DPYD: variants seen among roughly 807,000 people sequenced by gnomAD.
DPYD encodes the protein dihydropyrimidine dehydrogenase.
Under a neutral mutation model 116.2 loss-of-function variants are expected in DPYD, and 109 were observed. That is an observed-to-expected ratio of 0.94 (90% CI 0.80 to 1.10). The LOEUF (loss-of-function observed/expected upper bound fraction) is 1.10. Ranked by LOEUF, DPYD falls within the 50% of genes least tolerant of loss-of-function variation. The probability of loss-of-function intolerance (pLI) is 0.00; values close to 1 mark genes in which losing one functional copy is unlikely to be tolerated. For missense variants in DPYD, 1,302 were observed against 1,254.5 expected, an observed-to-expected ratio of 1.04 and a Z score of -0.57; for synonymous variants, 440 against 432.0, an observed-to-expected ratio of 1.02 and a Z score of -0.23.
At chr1:97,535,699 T>G (rs2102037690) in intron 12 of DPYD, among the ~76,000 whole-genome samples, 1 of 152,316 alleles carries the variant, frequency 6.6e-6, no homozygotes, top group East Asian at 1.9e-4. Flanking sequence ...AATTACTTAT[T>G]AGTCATGGTA....
At chr1:97,607,283 T>C (rs1223483608) in intron 8 of DPYD, among the ~76,000 whole-genome samples, 1 of 151,978 alleles carries the variant, frequency 6.6e-6, no homozygotes, top group African/African-American at 2.4e-5. Context: ...CTTTCTGTTG[T>C]ATCTCAATAG....
At chr1:97,367,867 C>CT (rs1220571498) in intron 16 of DPYD, among the ~76,000 whole-genome samples, 1 of 152,078 alleles carries the variant, frequency 6.6e-6, no homozygotes, top group Admixed American at 6.6e-5. Context: ...AAATCAAATT[C>CT]TTTGACAGTG....
intron 12 of DPYD, among the ~76,000 whole-genome samples, chr1:97,540,736 G>A (rs1197420250): frequency 6.6e-6 from 1 of 152,192 alleles, no homozygotes; most frequent in African/African-American, 2.4e-5. Flanking sequence ...AGGTTGGGGA[G>A]CAGGGCTGAA....
intron 13 of DPYD, among the ~76,000 whole-genome samples, chr1:97,510,065 GTCAACAGGGGCCA>G (rs973928088): frequency 6.6e-6 from 1 of 151,754 alleles, no homozygotes; most frequent in African/African-American, 2.4e-5. Context: ...CTACTCAGCT[GTCAACAGGGGCCA>G]TCATTAGCCA....
At chr1:97,862,297 G>C (rs1671157629) in intron 2 of DPYD, among the ~76,000 whole-genome samples, 1 of 151,700 alleles carries the variant, frequency 6.6e-6, no homozygotes, top group East Asian at 1.9e-4. Context: ...ATGGTTTCCA[G>C]TCATCAATAA....
chr1:97,583,918 G>A (rs548869541), intron 10 of DPYD, among the ~76,000 whole-genome samples: 1 of 151,916 alleles, frequency 6.6e-6, no homozygotes, highest in East Asian at 1.9e-4. Flanking sequence ...TAATCCTTTG[G>A]GTATATACCC....
At chr1:97,305,470 C>A (rs1334850807) in intron 17 of DPYD, 92 bp from the exon 18 acceptor site, 1 of 1,530,466 alleles carries the variant, frequency 6.5e-7, no homozygotes, top group Admixed American at 1.7e-5. Flanking sequence ...AAAATGCATT[C>A]TATTTTATCT....
chr1:97,136,136 TTA>T (rs1321769930), intron 20 of DPYD, among the ~76,000 whole-genome samples: 1 of 152,196 alleles, frequency 6.6e-6, no homozygotes, highest in Non-Finnish European at 1.5e-5. Context: ...GCCAATCCAT[TTA>T]TTCACTTTCT....
At chr1:97,265,246 A>G (rs1353955367) in intron 18 of DPYD, among the ~76,000 whole-genome samples, 1 of 152,162 alleles carries the variant, frequency 6.6e-6, no homozygotes, top group Non-Finnish European at 1.5e-5. Context: ...CACTGTTCAT[A>G]CAAGTCTTAG....
At chr1:97,717,357 T>C (rs1662670859) in intron 5 of DPYD, among the ~76,000 whole-genome samples, 1 of 152,082 alleles carries the variant, frequency 6.6e-6, no homozygotes, top group African/African-American at 2.4e-5. Flanking sequence ...CAGATACCTC[T>C]TTTCTGAATG....
At chr1:97,095,710 TAC>T (rs1364720755) in intron 21 of DPYD, among the ~76,000 whole-genome samples, 4 of 152,186 alleles carry the variant, frequency 2.6e-5, no homozygotes, top group Admixed American at 6.5e-5. Flanking sequence ...ATATTTATAA[TAC>T]AGTTATTTGT....
chr1:97,619,663 T>G (rs954478640), intron 8 of DPYD, among the ~76,000 whole-genome samples: 1 of 152,198 alleles, frequency 6.6e-6, no homozygotes, highest in Non-Finnish European at 1.5e-5. Context: ...TAATCATGCT[T>G]CTTATAACTT....
chr1:97,078,677 C>A lies in DPYD; in HGVS notation c.*299G>T, dbSNP rs1032807849. The stretch of plus-strand genomic sequence containing the variant: ...AATTTGGAAACTGTCACACTAATTG[C>A]CACAAAAAAGTTAATTTTTCACATA... On this transcript the variant is annotated 3_prime_UTR_variant, in exon 23 of 23. Transcript: ENST00000370192. 8.8e-5 allele frequency: 34 copies of A among 386,926 alleles called. No individual in the cohort carries two copies. The highest frequency in any genetic ancestry group is 4.6e-4 in the South Asian group (20 of 43,420). 24.0% of individuals were successfully genotyped at this position (386,926 alleles called of 1,614,324 possible). A position where few individuals can be genotyped will look rare whatever the true frequency, so the allele number is the denominator to read the frequency against.
intron 14 of DPYD, among the ~76,000 whole-genome samples, chr1:97,390,654 T>G (rs1036852585): frequency 6.6e-6 from 1 of 151,970 alleles, no homozygotes; most frequent in African/African-American, 2.4e-5. Context: ...AATTCATCAT[T>G]TTTTGGTTTA....
chr1:97,902,122 A>G (rs1238538682), intron 1 of DPYD, among the ~76,000 whole-genome samples: 1 of 151,718 alleles, frequency 6.6e-6, no homozygotes. Context: ...AGGCATAAAT[A>G]TAGAGACTTG....
chr1:97,311,149 T>C, intron 16 of DPYD, among the ~76,000 whole-genome samples: 1 of 151,882 alleles, frequency 6.6e-6, no homozygotes, highest in South Asian at 2.1e-4. Flanking sequence ...TGTTCCATTT[T>C]CTTTAAAGGA....
chr1:97,775,780 T>C (rs779935193), intron 3 of DPYD, among the ~76,000 whole-genome samples: 2 of 152,160 alleles, frequency 1.3e-5, no homozygotes, highest in African/African-American at 2.4e-5. Flanking sequence ...AATTGAATGA[T>C]ACCATAGCTA....
At chr1:97,258,174 C>T (rs1366531573) in intron 18 of DPYD, among the ~76,000 whole-genome samples, 1 of 152,092 alleles carries the variant, frequency 6.6e-6, no homozygotes, top group Non-Finnish European at 1.5e-5. Flanking sequence ...TTCTGGGACA[C>T]ACACTACAGC....
At chr1:97,584,265 T>C (rs1653922667) in intron 10 of DPYD, among the ~76,000 whole-genome samples, 1 of 151,448 alleles carries the variant, frequency 6.6e-6, no homozygotes, top group African/African-American at 2.4e-5. Context: ...GGGGTTGTTT[T>C]TTTCTTGTAA....
Sources: gnomAD v4.1 joint callset for allele counts (sites outside exome capture counted in the v4.1 genomes callset) on GRCh38, gnomAD v4.1.1 for gene constraint, MANE v1.5 for transcripts, NCBI Gene and HGNC (gene_info 2026-07-23, HGNC 2026-07-21) for gene names.